TECPR1: variants seen among roughly 807,000 people sequenced by gnomAD.
TECPR1 encodes tectonin beta-propeller repeat containing 1, also known as tectonin beta-propeller repeat-containing protein 1.
In TECPR1, 122 loss-of-function variants were observed where a neutral mutation model predicts 162.4. The ratio of observed to expected loss-of-function variants is 0.75; its 90% confidence interval spans 0.65 to 0.87. TECPR1 has a LOEUF of 0.87. TECPR1 is among the 40% of genes least tolerant of loss of function. TECPR1 has a pLI of 0.00. For synonymous variants in TECPR1, 642 were observed against 670.6 expected, an observed-to-expected ratio of 0.96 and a Z score of 0.66; for missense variants, 1,432 against 1,618.2, an observed-to-expected ratio of 0.88 and a Z score of 1.97.
At position 98,217,917 on chromosome 7, in the gene TECPR1, ACCC is replaced by A. The variant is rs1798055164; in HGVS notation, c.3264+16_3264+18del. 1.3e-6 allele frequency: 2 copies of A among 1,544,392 alleles called. No individual in the cohort carries two copies. Among genetic ancestry groups the A allele is most frequent in the Non-Finnish European group, 1.8e-6 (2 of 1,141,744 alleles). Reference sequence around the variant, plus strand: ...AACCAGAGCACCCCAAGTGCCCGATACCCCCTGAGCACCCCCACCTGGTCCAGG... The same window carrying A: ...AACCAGAGCACCCCAAGTGCCCGATACCTGAGCACCCCCACCTGGTCCAGG... On this transcript the variant is annotated intron_variant, in intron 24 of 25. Transcript: ENST00000447648.
In TECPR1 at chr7:98,241,011, G is replaced by C; in HGVS notation, c.832+59C>G. The C allele has an allele frequency of 1.3e-6, 2 of 1,585,986 alleles. No homozygotes were observed. The highest frequency in any genetic ancestry group is 1.7e-6 in the Non-Finnish European group (2 of 1,166,934). ...ATCAGCCTGGACAGCTGGGGAGCGA[G>C]TGACCCTCACCCTTCTCCCCAGTAC... is the stretch of plus-strand genomic sequence containing the variant. On this transcript the variant is annotated intron_variant, in intron 7 of 25. Coordinates refer to ENST00000447648, the MANE Select transcript of TECPR1 (RefSeq NM_015395.3). The surrounding 1 kb of genome is among the most constrained non-coding windows in gnomAD (Gnocchi z 5.0).
intron 19 of TECPR1, among the ~76,000 whole-genome samples, chr7:98,224,281 G>C (rs544222299): frequency 6.6e-6 from 1 of 152,184 alleles, no homozygotes; most frequent in Non-Finnish European, 1.5e-5. Flanking sequence ...GCCTGCCCAC[G>C]CCGTGCACCT....
rs1284265266 is a variant in TECPR1 at position 98,232,683 on chromosome 7, C to T, written c.1818+144G>A. ...AGGATGGACGAAGAAACCCTGAGCT[C>T]ATTTCTCTATGCCTGCATCTGGGCG... is the stretch of plus-strand genomic sequence containing the variant. On this transcript the variant is annotated intron_variant, in intron 12 of 25. Transcript: ENST00000447648. The surrounding 1 kb of genome is among the most constrained non-coding windows in gnomAD (Gnocchi z 4.6). 1.8e-6 allele frequency: 2 copies of T among 1,127,278 alleles called. No homozygotes were observed. The highest frequency in any genetic ancestry group is 3.0e-5 in the Admixed American group (1 of 33,434). The allele number at this position is 1,127,278 out of a possible 1,614,324, so 69.8% of individuals were successfully genotyped here.
In TECPR1 at chr7:98,218,015, G is replaced by A. The variant is rs138522081; in HGVS notation, c.3185C>T (p.Thr1062Met). 1.5e-4 allele frequency: 241 copies of A among 1,567,422 alleles called. No individual in the cohort carries two copies. The African/African-American group carries it at 2.7e-3, about 17-fold the overall frequency. Residue 1062 changes from threonine to methionine, a missense_variant, in exon 24 of 26, where the codon ACG (threonine) becomes ATG (methionine). Thr to Met is a moderately conservative substitution (Grantham distance 81). Transcript: ENST00000447648. ...GCTGGAGCCCTGCGGGTAGCTGGGC[G>A]TGATCCCTTGGCGATACCACAGGTT... is the stretch of plus-strand genomic sequence containing the variant. ...NGNLWYRQGITPSYPQGSSWE... is the reference protein window; with the variant it reads ...NGNLWYRQGIMPSYPQGSSWE...
Position 98,232,978 on chromosome 7 carries a change from G to A in TECPR1, c.1673-6C>T, listed in dbSNP as rs368180407. The A allele has an allele frequency of 1.4e-5, 23 of 1,601,420 alleles. No homozygotes were observed. The highest frequency in any genetic ancestry group is 1.7e-5 in the Non-Finnish European group (20 of 1,173,372). ...GTGTACCGAGGAGGACAGGCCTGTG[G>A]GGCAGAGAGAGCCTCAGGGCCGGGG... On this transcript the variant is annotated splice_polypyrimidine_tract_variant and splice_region_variant and intron_variant, in intron 11 of 25. Coordinates refer to ENST00000447648, the MANE Select transcript of TECPR1 (RefSeq NM_015395.3). The surrounding 1 kb of genome is among the most constrained non-coding windows in gnomAD (Gnocchi z 4.6).
intron 15 of TECPR1, among the ~76,000 whole-genome samples, chr7:98,230,700 C>T (rs970878610): frequency 5.3e-5 from 8 of 152,204 alleles, no homozygotes; most frequent in African/African-American, 1.9e-4. Flanking sequence ...CTCACCCACA[C>T]TCCACATTCC....
At chr7:98,246,557 G>A (rs985095293) in intron 2 of TECPR1, among the ~76,000 whole-genome samples, 1 of 151,644 alleles carries the variant, frequency 6.6e-6, no homozygotes, top group Non-Finnish European at 1.5e-5. Flanking sequence ...GAGCCACCGC[G>A]CGTGGCCAAC....
intron 23 of TECPR1, among the ~76,000 whole-genome samples, chr7:98,218,918 C>T (rs958776462): frequency 3.3e-5 from 5 of 152,094 alleles, no homozygotes; most frequent in South Asian, 2.1e-4. Context: ...CCACAAAGAG[C>T]CTCAATGCCC....
intron 21 of TECPR1, 141 bp from the exon 22 acceptor site, chr7:98,222,662 GC>G (rs1427464317): frequency 4.7e-6 from 5 of 1,064,686 alleles, no homozygotes; most frequent in Non-Finnish European, 5.3e-6. Flanking sequence ...GCCCCACCCG[GC>G]CTGATCTCGG....
At chr7:98,221,018 A>G (rs1798126714) in intron 23 of TECPR1, among the ~76,000 whole-genome samples, 1 of 145,770 alleles carries the variant, frequency 6.9e-6, no homozygotes, top group East Asian at 2.2e-4. Flanking sequence ...TAACTGAAAG[A>G]GGGCCAGGCG....
rs771267972 is a variant in TECPR1, at chr7:98,231,296, G to A, written c.2052C>T (p.Tyr684=). 23 of 1,612,798 alleles carry A rather than the reference G, an allele frequency of 1.4e-5. No homozygotes were observed. In the South Asian group the frequency reaches 2.4e-4, roughly 17 times the overall value. ...LNETKHSFAL[Y]TPERTRQRWP... ...ACCTCTGCCGTGTCCGCTCAGGGGT[G>A]TACAGGGCAAAGGAGTGCTTGGTCT... Residue 684 remains tyrosine (Y), a synonymous_variant, in exon 14 of 26, where the codon TAC becomes TAT. Transcript: ENST00000447648.
Position 98,244,952 on chromosome 7 carries a change from G to C in TECPR1, c.341C>G (p.Pro114Arg). The C allele has an allele frequency of 6.2e-7, 1 of 1,612,974 alleles. No homozygotes were observed. The highest frequency in any genetic ancestry group is 8.5e-7 in the Non-Finnish European group (1 of 1,179,868). Residue 114 changes from proline (P) to arginine (R), a missense_variant, in exon 4 of 26, where the codon CCG becomes CGG. By Grantham distance (103) the Pro-to-Arg change is moderately radical. Transcript: ENST00000447648. ...CCAGTCAGACTCCCACTCCCAGTGC[G>C]GCGAGGGCAGTGCCACCCTGTCCAG... is the stretch of plus-strand genomic sequence containing the variant. ...RPLDRVALPS[P>R]HWEWESDWYV...
Position 98,243,464 on chromosome 7 carries a change from T to G in TECPR1, c.657+3A>C. 6.2e-7 allele frequency: 1 copy of G among 1,612,176 alleles called. No individual in the cohort carries two copies. The highest frequency in any genetic ancestry group is 1.1e-5 in the South Asian group (1 of 91,068). On this transcript the variant is annotated splice_donor_region_variant and intron_variant, in intron 6 of 25. Transcript: ENST00000447648. ...CCAGGGCAGGGAGAGGGGTTGGCCT[T>G]ACCTTGCCCTGCAGAGACACAGCCC...
At chr7:98,235,849 A>AAAAAAAAAAAAAAAAAAAAAAAACAC in intron 10 of TECPR1, among the ~76,000 whole-genome samples, 2 of 110,344 alleles carry the variant, frequency 1.8e-5, no homozygotes, top group Admixed American at 9.8e-5. Context: ...AAAAAAAAAA[A>AAAAAAAAAAAAAAAAAAAAAAAACAC]AACACCATCT....
chr7:98,217,123 G>A lies in TECPR1; in HGVS notation c.*267C>T, dbSNP rs74672857. 0.24 allele frequency: 95,017 copies of A among 390,564 alleles called. 13,302 individuals carry two copies. The highest frequency in any genetic ancestry group is 0.48 in the East Asian group (11,787 of 24,604). 24.2% of individuals were successfully genotyped at this position (390,564 alleles called of 1,614,324 possible). ...GGAGAGGGGAAGGGAAGGGTGGGAG[G>A]GGCCTCTGGGAGGTGCAGCCCCACC... On this transcript the variant is annotated 3_prime_UTR_variant, in exon 26 of 26. Coordinates refer to ENST00000447648, the MANE Select transcript of TECPR1 (RefSeq NM_015395.3).
Position 98,233,648 on chromosome 7 carries a change from G to T in TECPR1, c.1445C>A (p.Pro482Gln). 1 of 1,592,820 alleles carries T rather than the reference G, an allele frequency of 6.3e-7. No homozygotes were observed. Residue 482 changes from proline (P) to glutamine (Q), a missense_variant, in exon 11 of 26, where the codon CCG becomes CAG. By Grantham distance (76) the Pro-to-Gln change is moderately conservative. Coordinates refer to ENST00000447648, the MANE Select transcript of TECPR1 (RefSeq NM_015395.3). ...AATATTGGTCCAGGGCAGCTCGGCC[G>T]GGGTGGGGGCCGGGCCGGGGTGCGT... is the stretch of plus-strand genomic sequence containing the variant. The part of the protein sequence containing the change: ...PNTHPGPAPT[P>Q]AELPWTNIDL...
chr7:98,231,860 C>T lies in TECPR1; in HGVS notation c.1918G>A (p.Asp640Asn), dbSNP rs375878463. The change falls in exon 13 of 26, where the codon GAC (aspartate) becomes AAC (asparagine). Residue 640 changes from aspartate to asparagine, a missense_variant. Coordinates refer to ENST00000447648, the MANE Select transcript of TECPR1 (RefSeq NM_015395.3). ...RLALEQFTGH[D>N]GVRDSILFIY... ...AAGAGGATGCTGTCCCGGACGCCGT[C>T]GTGCCCCGTGAACTGCTCCAGGGCC... The T allele has an allele frequency of 2.0e-5, 33 of 1,612,820 alleles. No homozygotes were observed. In the African/African-American group the frequency reaches 2.7e-4, roughly 13 times the overall value.
Position 98,235,479 on chromosome 7 carries a change from C to T in TECPR1, c.1181+1297G>A, listed in dbSNP as rs532627030. 4.1e-5 allele frequency among the ~76,000 whole-genome samples: 6 copies of T among 146,058 alleles called. No individual in the cohort carries two copies. The East Asian group carries it at 1.0e-3, about 25-fold the overall frequency. On this transcript the variant is annotated intron_variant, in intron 10 of 25. Transcript: ENST00000447648. ...GGTGGAGCTTGCAGTGAGCCAAGAT[C>T]GCGCCGTGGCACTCCAGCCTGGGCG...
intron 15 of TECPR1, among the ~76,000 whole-genome samples, chr7:98,229,992 C>CA (rs1798380530): frequency 7.2e-6 from 1 of 139,698 alleles, no homozygotes; most frequent in Non-Finnish European, 1.6e-5. Flanking sequence ...CCCTTTGTGG[C>CA]TTTTTTTTTT....
Sources: gnomAD v4.1 joint callset for allele counts (sites outside exome capture counted in the v4.1 genomes callset) on GRCh38, gnomAD v4.1.1 for gene constraint, Gnocchi (gnomAD v3.1) non-coding constraint, MANE v1.5 for transcripts, NCBI Gene and HGNC (gene_info 2026-07-23, HGNC 2026-07-21) for gene names.